The following ADGRV1 variants were observed in gnomAD, a reference collection of about 807,000 sequenced individuals.
ADGRV1 encodes G-protein coupled receptor 98.
In ADGRV1, 359 loss-of-function variants were observed where a neutral mutation model predicts 596.2. That is an observed-to-expected ratio of 0.60 (90% CI 0.55 to 0.66). The LOEUF is 0.66. ADGRV1 is among the 30% of genes least tolerant of loss of function. The pLI is 0.00. For missense variants in ADGRV1, 7,274 were observed against 7,575.6 expected, an observed-to-expected ratio of 0.96 and a Z score of 1.48; for synonymous variants, 2,681 against 2,679.2, an observed-to-expected ratio of 1.00 and a Z score of -0.02.
chr5:90,767,487 A>T (rs1581057952), intron 59 of ADGRV1, among the ~76,000 whole-genome samples: 1 of 152,326 alleles, frequency 6.6e-6, no homozygotes, highest in Admixed American at 6.5e-5. Flanking sequence ...GAGACTATAT[A>T]AATGTCGACA....
intron 28 of ADGRV1, among the ~76,000 whole-genome samples, chr5:90,684,895 G>A (rs968811053): frequency 3.3e-5 from 5 of 152,122 alleles, no homozygotes; most frequent in Admixed American, 6.6e-5. Context: ...AAGGCGAAGC[G>A]GTTAAAGAGG....
At chr5:90,909,452 A>C (rs1312018128) in intron 83 of ADGRV1, among the ~76,000 whole-genome samples, 1 of 152,090 alleles carries the variant, frequency 6.6e-6, no homozygotes, top group Non-Finnish European at 1.5e-5. Context: ...TTGGCTGGTT[A>C]GTATAGCTGG....
chr5:90,904,528 T>G (rs1420151204), intron 83 of ADGRV1, among the ~76,000 whole-genome samples: 1 of 152,132 alleles, frequency 6.6e-6, no homozygotes, highest in Non-Finnish European at 1.5e-5. Flanking sequence ...ATTGAGCACC[T>G]TTTCATATGC....
chr5:90,563,531 C>CAAT (rs1323409443), intron 1 of ADGRV1, among the ~76,000 whole-genome samples: 4 of 152,206 alleles, frequency 2.6e-5, no homozygotes, highest in African/African-American at 9.6e-5. Flanking sequence ...GAAAGACATA[C>CAAT]AATAGCTTCA....
chr5:90,597,402 G>A (rs571789639), intron 1 of ADGRV1, among the ~76,000 whole-genome samples: 1 of 152,274 alleles, frequency 6.6e-6, no homozygotes, highest in East Asian at 1.9e-4. Flanking sequence ...TATTTAAGAA[G>A]GTTATTTAGT....
At chr5:90,774,111 A>T (rs1757967540) in intron 59 of ADGRV1, 75 bp from the exon 60 acceptor site, 2 of 659,038 alleles carry the variant, frequency 3.0e-6, no homozygotes, top group Non-Finnish European at 5.2e-6. Flanking sequence ...CATAAACGTT[A>T]TTCTGCTAAT....
intron 1 of ADGRV1, among the ~76,000 whole-genome samples, chr5:90,598,767 G>A (rs1761035984): frequency 6.6e-6 from 1 of 152,220 alleles, no homozygotes; most frequent in Non-Finnish European, 1.5e-5. Context: ...GGCGTCTTGA[G>A]TAGGATTTAA....
intron 1 of ADGRV1, chr5:90,614,608 G>A (rs1023567738): frequency 2.3e-5 from 12 of 518,368 alleles, no homozygotes; most frequent in Non-Finnish European, 3.9e-5. Flanking sequence ...AAGCTAAAAA[G>A]CAAAAAGTAC....
rs780661737 is a variant in ADGRV1 at position 90,683,883 on chromosome 5, G to A, written c.5962G>A (p.Val1988Ile). 8 of 1,613,272 alleles carry A rather than the reference G, an allele frequency of 5.0e-6. No homozygotes were observed. Among genetic ancestry groups the A allele is most frequent in the Middle Eastern group, 1.6e-4 (1 of 6,084 alleles). Residue 1988 changes from valine to isoleucine, a missense_variant, in exon 28 of 90, where the codon GTT becomes ATT. This residue lies in a region of ADGRV1 where 3,643 missense variants were observed against 3,809.2 expected (regional missense o/e 0.96). Transcript: ENST00000405460. The part of the protein sequence containing the change: ...IFIFSEKNRP[V>I]KVEEATQNIT... ...CATTTTTTCTGAGAAAAACAGACCTGTTAAAGTTGAGGAAGCAACCCAGAA... is the reference window on the plus strand; with the variant it reads ...CATTTTTTCTGAGAAAAACAGACCTATTAAAGTTGAGGAAGCAACCCAGAA...
chr5:91,125,188 T>TC (rs1194730172), intron 87 of ADGRV1, among the ~76,000 whole-genome samples: 1 of 152,174 alleles, frequency 6.6e-6, no homozygotes, highest in Non-Finnish European at 1.5e-5. Context: ...AGGACTTGCC[T>TC]CCCCTGAATG....
At chr5:90,957,280 C>T (rs1457411026) in intron 83 of ADGRV1, among the ~76,000 whole-genome samples, 1 of 151,966 alleles carries the variant, frequency 6.6e-6, no homozygotes, top group Non-Finnish European at 1.5e-5. Flanking sequence ...GAAATAATAT[C>T]TCTAGGGCCT....
intron 75 of ADGRV1, among the ~76,000 whole-genome samples, chr5:90,818,134 C>CTT (rs1373226832): frequency 2.2e-4 from 33 of 148,100 alleles, no homozygotes; most frequent in African/African-American, 7.0e-4. Flanking sequence ...CTTCACATCC[C>CTT]TTGTAAGTTG....
At chr5:90,816,053 A>G (rs897857821) in intron 75 of ADGRV1, among the ~76,000 whole-genome samples, 2 of 152,204 alleles carry the variant, frequency 1.3e-5, no homozygotes, top group Non-Finnish European at 2.9e-5. Context: ...AACTTGGAGT[A>G]CCAAAACTTT....
At chr5:90,993,853 T>C (rs1581734508) in intron 85 of ADGRV1, among the ~76,000 whole-genome samples, 1 of 152,306 alleles carries the variant, frequency 6.6e-6, no homozygotes, top group Non-Finnish European at 1.5e-5. Context: ...TCTTTTATTA[T>C]GCATATATTG....
At chr5:90,698,403 T>C (rs948244251) in intron 34 of ADGRV1, among the ~76,000 whole-genome samples, 2 of 152,134 alleles carry the variant, frequency 1.3e-5, no homozygotes, top group Non-Finnish European at 2.9e-5. Context: ...AGAGACTAAA[T>C]AGCAACAATT....
In ADGRV1 at chr5:90,928,890, C is replaced by A. The variant is rs1269349562; in HGVS notation, c.17857-36525C>A. Among the ~76,000 whole-genome samples, 136 of 143,640 alleles carry A rather than the reference C, an allele frequency of 9.5e-4. 1 individual carries two copies. Among genetic ancestry groups the A allele is most frequent in the Middle Eastern group, 3.7e-3 (1 of 268 alleles). 94.2% of individuals were successfully genotyped at this position (143,640 alleles called of 152,430 possible). On this transcript the variant is annotated intron_variant, in intron 83 of 89. Coordinates refer to ENST00000405460, the MANE Select transcript of ADGRV1 (RefSeq NM_032119.4). ...CTGCAGGTCTGTTGGAATAGCCTGC[C>A]GTGTGAGGTGTCAGTGTGCCCCTGC...
chr5:91,023,897 A>G (rs897705374), intron 85 of ADGRV1, among the ~76,000 whole-genome samples: 1 of 152,180 alleles, frequency 6.6e-6, no homozygotes, highest in African/African-American at 2.4e-5. Flanking sequence ...ACCTACGTGT[A>G]ACTGAACCTC....
chr5:90,926,631 C>T (rs1003555422), intron 83 of ADGRV1, among the ~76,000 whole-genome samples: 2 of 151,668 alleles, frequency 1.3e-5, no homozygotes, highest in African/African-American at 4.9e-5. Context: ...GTCTCTGTTT[C>T]CTTCAGTTCT....
intron 75 of ADGRV1, among the ~76,000 whole-genome samples, chr5:90,815,945 A>G (rs1762850562): frequency 6.6e-6 from 1 of 152,160 alleles, no homozygotes; most frequent in Non-Finnish European, 1.5e-5. Flanking sequence ...TTTCTACTTC[A>G]TGAAGTACCA....
Sources: allele counts gnomAD v4.1 joint callset (sites outside exome capture counted in the v4.1 genomes callset), GRCh38; gene constraint gnomAD v4.1.1; regional missense constraint gnomAD v4.1.1; transcripts MANE v1.5; gene names NCBI Gene and HGNC (gene_info 2026-07-23, HGNC 2026-07-21).